Variants in SMOC2 observed in about 807,000 individuals in gnomAD.
SMOC2 encodes the protein SPARC related modular calcium binding 2.
SMOC2 carries 39 observed loss-of-function variants against 61.4 expected under a neutral mutation model. The observed-to-expected ratio is 0.64, with a 90% CI of 0.49 to 0.83. The LOEUF is 0.83. SMOC2 is among the 40% of genes least tolerant of loss of function. SMOC2 has a pLI of 0.00. For missense variants in SMOC2, 556 were observed against 592.9 expected (o/e 0.94, Z 0.65); for synonymous variants, 247 against 239.9 (o/e 1.03, Z -0.27).
intron 7 of SMOC2, among the ~76,000 whole-genome samples, chr6:168,550,089 CA>C (rs1353938820): frequency 6.6e-6 from 1 of 152,144 alleles, no homozygotes; most frequent in Non-Finnish European, 1.5e-5. Context: ...CTGTAATTTT[CA>C]TTTAGGCTCT....
intron 8 of SMOC2, among the ~76,000 whole-genome samples, chr6:168,600,419 AAACAAAAAAAAAAAC>A (rs1785516121): frequency 3.6e-5 from 1 of 27,778 alleles, no homozygotes; most frequent in Admixed American, 4.4e-4. Context: ...AAAAAAAAAA[AAACAAAAAAAAAAAC>A]AAAAAAAAAA....
chr6:168,563,830 C>T (rs577619705), intron 7 of SMOC2, among the ~76,000 whole-genome samples: 12 of 152,020 alleles, frequency 7.9e-5, no homozygotes, highest in Non-Finnish European at 1.5e-4. Flanking sequence ...AGCACAGGCC[C>T]GCACCAGGTA....
At chr6:168,636,892 ACCTCCCTCCTGCCCGCATCCCTCCTCCCT>A (rs1343217204) in intron 9 of SMOC2, among the ~76,000 whole-genome samples, 12 of 23,644 alleles carry the variant, frequency 5.1e-4, no homozygotes, top group South Asian at 2.8e-3. Flanking sequence ...CCCTCCTCCC[ACCTCCCTCCTGCCCGCATCCCTCCTCCCT>A]CCTCCCCCCT....
chr6:168,599,524 ACC>A (rs1464553516), intron 8 of SMOC2, among the ~76,000 whole-genome samples: 3 of 23,056 alleles, frequency 1.3e-4, no homozygotes, highest in African/African-American at 4.5e-4. Flanking sequence ...ACACACTCAT[ACC>A]CCCACACACC....
chr6:168,495,142 A>G (rs1025305592), intron 1 of SMOC2, among the ~76,000 whole-genome samples: 1 of 152,202 alleles, frequency 6.6e-6, no homozygotes, highest in African/African-American at 2.4e-5. Flanking sequence ...GGTTCCAGGA[A>G]AGCCATGCTC....
intron 7 of SMOC2, among the ~76,000 whole-genome samples, chr6:168,577,255 T>G (rs1482109136): frequency 1.3e-5 from 2 of 152,166 alleles, no homozygotes; most frequent in Non-Finnish European, 2.9e-5. Flanking sequence ...TTCTTATCTC[T>G]GTAAGACTTT....
chr6:168,646,682 A>C (rs1333240547), intron 9 of SMOC2, among the ~76,000 whole-genome samples: 1 of 152,198 alleles, frequency 6.6e-6, no homozygotes, highest in African/African-American at 2.4e-5. Context: ...TCCCTGGTCC[A>C]TAGGCTGGGG....
At chr6:168,523,098 T>G (rs1168391785) in intron 2 of SMOC2, among the ~76,000 whole-genome samples, 11 of 117,524 alleles carry the variant, frequency 9.4e-5, no homozygotes, top group Non-Finnish European at 1.2e-4. Context: ...TTTTTTTTTT[T>G]TGAGACGGAG....
chr6:168,524,701 C>A (rs190113700), intron 2 of SMOC2, among the ~76,000 whole-genome samples: 2 of 152,384 alleles, frequency 1.3e-5, no homozygotes, highest in Non-Finnish European at 2.9e-5. Context: ...TCAGCTAAAA[C>A]ACAGACTGCA....
chr6:168,488,240 C>T (rs913400823), intron 1 of SMOC2, among the ~76,000 whole-genome samples: 8 of 152,238 alleles, frequency 5.3e-5, no homozygotes, highest in South Asian at 2.1e-4. Context: ...GGCATTCCTC[C>T]GCTTGCAGAT....
At chr6:168,465,583 CT>C (rs559651420) in intron 1 of SMOC2, among the ~76,000 whole-genome samples, 22 of 148,870 alleles carry the variant, frequency 1.5e-4, no homozygotes, top group African/African-American at 2.9e-4. Flanking sequence ...AATGCTACTT[CT>C]TTTTTTTTTG....
At chr6:168,479,547 G>A (rs562115287) in intron 1 of SMOC2, among the ~76,000 whole-genome samples, 6 of 152,330 alleles carry the variant, frequency 3.9e-5, no homozygotes, top group African/African-American at 1.4e-4. Context: ...TCTAGGTAAA[G>A]GCTTGGACAG....
chr6:168,577,996 T>C (rs774156352), intron 7 of SMOC2, among the ~76,000 whole-genome samples: 80 of 152,368 alleles, frequency 5.3e-4, no homozygotes, highest in Non-Finnish European at 1.0e-3. Flanking sequence ...ATTCTGCTTC[T>C]ACCATAACTT....
intron 7 of SMOC2, among the ~76,000 whole-genome samples, chr6:168,575,770 C>T (rs6455536): frequency 0.37 from 56,117 of 152,092 alleles, 10,456 homozygotes; most frequent in Middle Eastern, 0.43. Context: ...AGGGACATGA[C>T]AGGACACCAG....
intron 9 of SMOC2, among the ~76,000 whole-genome samples, chr6:168,611,914 G>A (rs1197614673): frequency 6.6e-6 from 1 of 152,162 alleles, no homozygotes; most frequent in East Asian, 1.9e-4. Context: ...GTTCCCACCT[G>A]GTGGGGCACA....
At chr6:168,514,625 T>A (rs7752384) in intron 2 of SMOC2, among the ~76,000 whole-genome samples, 1 of 152,104 alleles carries the variant, frequency 6.6e-6, no homozygotes, top group Non-Finnish European at 1.5e-5. Context: ...AATTTAAATA[T>A]CAGATGATGT....
chr6:168,648,026 T>G (rs1787088515), intron 9 of SMOC2, among the ~76,000 whole-genome samples: 1 of 152,124 alleles, frequency 6.6e-6, no homozygotes, highest in Admixed American at 6.5e-5. Context: ...TGAAATATTG[T>G]GTTGCTTTAT....
At chr6:168,653,269 C>G (rs1787244508) in intron 11 of SMOC2, 41 bp downstream of exon 11, 1 of 1,533,556 alleles carries the variant, frequency 6.5e-7, no homozygotes, top group Non-Finnish European at 8.8e-7. Context: ...AGTGGTCAGG[C>G]CCTGAGGCCT....
At chr6:168,530,071 G>T (rs191548188) in intron 4 of SMOC2, among the ~76,000 whole-genome samples, 1 of 152,302 alleles carries the variant, frequency 6.6e-6, no homozygotes, top group East Asian at 1.9e-4. Context: ...AGTTAATACC[G>T]AGGTTACCAT....
Sources: gnomAD v4.1 joint callset for allele counts (sites outside exome capture counted in the v4.1 genomes callset) on GRCh38, gnomAD v4.1.1 for gene constraint, MANE v1.5 for transcripts, NCBI Gene and HGNC (gene_info 2026-07-23, HGNC 2026-07-21) for gene names.